Variants in IFT74 observed in about 807,000 individuals in gnomAD.
IFT74 encodes the protein intraflagellar transport 74, also known as intraflagellar transport protein 74 homolog.
A neutral mutation model predicts 96.7 loss-of-function variants in IFT74; 92 were observed. The ratio of observed to expected loss-of-function variants is 0.95; its 90% CI spans 0.80 to 1.13. The LOEUF (loss-of-function observed/expected upper bound fraction) is 1.13, where lower values mean the gene tolerates loss of function less well. Ranked by LOEUF, IFT74 falls within the 50% of genes most tolerant of loss-of-function variation. The pLI, the probability that IFT74 is intolerant of heterozygous loss-of-function variation, is 0.00. For synonymous variants in IFT74, 223 were observed against 213.2 expected (o/e 1.05, Z -0.40); for missense variants, 811 against 698.2 (o/e 1.16, Z -1.82).
intron 15 of IFT74, 118 bp from the exon 16 acceptor site, chr9:27,048,030 T>C (rs1819768089): frequency 8.3e-6 from 5 of 599,918 alleles, no homozygotes; most frequent in Non-Finnish European, 1.1e-5. Context: ...GAATGGTGTA[T>C]TTCAAAAAAA....
At chr9:26,972,139 G>C (rs1826907944) in intron 2 of IFT74, among the ~76,000 whole-genome samples, 1 of 152,108 alleles carries the variant, frequency 6.6e-6, no homozygotes, top group Non-Finnish European at 1.5e-5. Flanking sequence ...TTTAGGTTTA[G>C]ATCCCCTGTT....
chr9:27,013,801 A>C (rs1829221099), intron 10 of IFT74, among the ~76,000 whole-genome samples: 1 of 152,106 alleles, frequency 6.6e-6, no homozygotes, highest in Non-Finnish European at 1.5e-5. Context: ...CATCATGATG[A>C]CAGTATTAGG....
chr9:27,059,823 A>G (rs1820337413), intron 18 of IFT74, among the ~76,000 whole-genome samples: 1 of 152,250 alleles, frequency 6.6e-6, no homozygotes, highest in Admixed American at 6.5e-5. Context: ...CAATTATTGT[A>G]TTTTTAAAAA....
chr9:27,013,307 A>G, intron 10 of IFT74, among the ~76,000 whole-genome samples: 1 of 152,196 alleles, frequency 6.6e-6, no homozygotes, highest in Non-Finnish European at 1.5e-5. Flanking sequence ...GCTACAATGT[A>G]TTATGTTGTA....
chr9:26,995,694 C>G, intron 8 of IFT74: 1 of 1,613,876 alleles, frequency 6.2e-7, no homozygotes, highest in South Asian at 1.1e-5. Context: ...TCATAGGTTT[C>G]TGCTTCATGC....
In IFT74 at chr9:26,995,676, A is replaced by C. The variant is rs771992857; in HGVS notation, c.587+5481A>C. 5.0e-5 allele frequency: 81 copies of C among 1,613,768 alleles called. No homozygotes were observed. The highest frequency in any genetic ancestry group is 1.6e-4 in the Middle Eastern group (1 of 6,080). ...GAAAGAGAGCTTGGATTTCCAGTAA[A>C]ACCATCTTCATAGGTTTCTGCTTCA... On this transcript the variant is annotated intron_variant, in intron 8 of 19. Coordinates refer to ENST00000380062, the MANE Select transcript of IFT74 (RefSeq NM_025103.4).
At chr9:26,955,755 T>C (rs1293951611), upstream of IFT74, 4 of 151,884 alleles carry the variant, frequency 2.6e-5, no homozygotes, top group African/African-American at 9.7e-5. Context: ...TTTAAGCTGT[T>C]ATCAATGAAG....
At position 27,017,079 on chromosome 9, in the gene IFT74, G is replaced by T. The variant is rs1158075805; in HGVS notation, c.933+29G>T. On this transcript the variant is annotated intron_variant, in intron 11 of 19. Coordinates refer to ENST00000380062, the MANE Select transcript of IFT74 (RefSeq NM_025103.4). ...GGCAAAACAAACATACTTATTTTAA[G>T]ATGTCTGGTTTTGGTACATGTATTG... 1.9e-6 allele frequency: 3 copies of T among 1,580,042 alleles called. No homozygotes were observed. The Admixed American group carries it at 5.7e-5, about 30-fold the overall frequency.
At chr9:26,954,429 G>T (rs890649457), upstream of IFT74, among the ~76,000 whole-genome samples, 47 of 152,102 alleles carry the variant, frequency 3.1e-4, no homozygotes, top group African/African-American at 1.1e-3. Context: ...TACCTCTGGG[G>T]GAGCCCCAAA....
rs1001765426 is a variant in IFT74, at chr9:27,064,637, C to T, written c.*1901C>T. 2.6e-5 allele frequency among the ~76,000 whole-genome samples: 4 copies of T among 152,028 alleles called. No homozygotes were observed. The highest frequency in any genetic ancestry group is 9.7e-5 in the African/African-American group (4 of 41,414). ...TCTCTTAATCACATTGATTCTATTT[C>T]GTGGATACTTCCAAGGAGGAAGGGA... On this transcript the variant is annotated 3_prime_UTR_variant, in exon 20 of 20. Transcript: ENST00000380062.
chr9:26,995,038 A>G (rs1271584539), intron 8 of IFT74: 1 of 151,920 alleles, frequency 6.6e-6, no homozygotes, highest in Non-Finnish European at 1.5e-5. Context: ...ATATTTTCCA[A>G]CTCTATGATT....
At chr9:27,051,883 T>G (rs1013097640) in intron 16 of IFT74, among the ~76,000 whole-genome samples, 2 of 152,222 alleles carry the variant, frequency 1.3e-5, no homozygotes, top group East Asian at 3.8e-4. Context: ...GGTGTGTAAG[T>G]ATTTCTTCAG....
At chr9:27,045,070 G>A (rs1377815954) in intron 14 of IFT74, among the ~76,000 whole-genome samples, 1 of 152,148 alleles carries the variant, frequency 6.6e-6, no homozygotes, top group African/African-American at 2.4e-5. Flanking sequence ...TATAGACCAG[G>A]GGTCCCCAAT....
At chr9:26,956,240 C>A (rs1392114394), upstream of IFT74, 1 of 152,246 alleles carries the variant, frequency 6.6e-6, no homozygotes, top group Non-Finnish European at 1.5e-5. Context: ...AGCCGCCCCG[C>A]TGTTTTCCAC....
chr9:27,012,255 C>G (rs1587351876), intron 10 of IFT74, among the ~76,000 whole-genome samples: 1 of 152,134 alleles, frequency 6.6e-6, no homozygotes, highest in Non-Finnish European at 1.5e-5. Flanking sequence ...CAGAGTCTTT[C>G]TTTGTCACTC....
intron 2 of IFT74, chr9:26,976,749 C>G (rs866220827): frequency 6.1e-5 from 28 of 455,522 alleles, no homozygotes; most frequent in African/African-American, 5.6e-4. Flanking sequence ...AGAAACCTTG[C>G]CATATCTCAC....
At chr9:27,056,648 T>C (rs1820172876) in intron 18 of IFT74, among the ~76,000 whole-genome samples, 189 bp downstream of exon 18, 1 of 152,102 alleles carries the variant, frequency 6.6e-6, no homozygotes, top group Admixed American at 6.6e-5. Context: ...TAAACCTATA[T>C]TGAAAGCCAA....
At chr9:27,052,856 A>ATGTTGTTGTTGT (rs147019396) in intron 16 of IFT74, among the ~76,000 whole-genome samples, 1 of 151,486 alleles carries the variant, frequency 6.6e-6, no homozygotes, top group African/African-American at 2.4e-5. Context: ...AGTGTACTCC[A>ATGTTGTTGTTGT]TGTTGTTGTT....
intron 10 of IFT74, among the ~76,000 whole-genome samples, chr9:27,014,795 G>C (rs1175237950): frequency 6.6e-6 from 1 of 152,154 alleles, no homozygotes; most frequent in Non-Finnish European, 1.5e-5. Flanking sequence ...TTTTAGTAGA[G>C]ACAGGGTTTC....
Sources: allele counts gnomAD v4.1 joint callset (sites outside exome capture counted in the v4.1 genomes callset), GRCh38; gene constraint gnomAD v4.1.1; transcripts MANE v1.5; gene names NCBI Gene and HGNC (gene_info 2026-07-23, HGNC 2026-07-21).